The following ZNF652 variants were observed in gnomAD, a reference collection of about 807,000 sequenced individuals.
ZNF652 encodes zinc finger protein 652.
In ZNF652, 16 loss-of-function variants were observed where a neutral mutation model predicts 45.2. The observed-to-expected ratio is 0.35, with a 90% CI of 0.24 to 0.54. The LOEUF is 0.54. ZNF652 is among the 20% of genes least tolerant of loss of function. The probability of loss-of-function intolerance (pLI) is 0.91; values close to 1 mark genes in which losing one functional copy is unlikely to be tolerated. For synonymous variants in ZNF652, 250 were observed against 260.6 expected, an observed-to-expected ratio of 0.96 and a Z score of 0.39; for missense variants, 614 against 765.6, an observed-to-expected ratio of 0.80 and a Z score of 2.34.
chr17:49,353,525 A>G (rs1183606153), intron 1 of ZNF652, among the ~76,000 whole-genome samples: 1 of 151,856 alleles, frequency 6.6e-6, no homozygotes, highest in African/African-American at 2.4e-5. Flanking sequence ...CACCCGGGCT[A>G]GAGTGATGTG....
At position 49,316,995 on chromosome 17, in the gene ZNF652, GTC is replaced by G; in HGVS notation, c.729_730del (p.Glu243AspfsTer5). ...CCTGGGGCACTTCTCACAGGTCAGA[GTC>G]TCTTTCTCTTCACACTTAGCTTTCT... is the stretch of plus-strand genomic sequence containing the variant. On this transcript the variant is annotated frameshift_variant, in exon 2 of 6. Coordinates refer to ENST00000430262, the MANE Select transcript of ZNF652 (RefSeq NM_001145365.3). LOFTEE classifies it high-confidence loss of function. 6.2e-7 allele frequency: 1 copy of G among 1,614,134 alleles called. No individual in the cohort carries two copies. Among genetic ancestry groups the G allele is most frequent in the Non-Finnish European group, 8.5e-7 (1 of 1,180,030 alleles).
At chr17:49,327,761 ATATATATATATATATATATTTTTTTTT>A (rs2069976587) in intron 1 of ZNF652, among the ~76,000 whole-genome samples, 2 of 10,072 alleles carry the variant, frequency 2.0e-4, no homozygotes, top group Non-Finnish European at 2.7e-4. Flanking sequence ...ATATATATAT[ATATATATATATATATATATTTTTTTTT>A]TTTTTTTTTA....
chr17:49,330,614 G>GT (rs2070013082), intron 1 of ZNF652, among the ~76,000 whole-genome samples: 1 of 151,890 alleles, frequency 6.6e-6, no homozygotes, highest in East Asian at 1.9e-4. Flanking sequence ...CTCCCAAAGC[G>GT]TTAGGTTTAC....
At chr17:49,310,030 T>C (rs1041519906) in intron 5 of ZNF652, among the ~76,000 whole-genome samples, 2 of 152,172 alleles carry the variant, frequency 1.3e-5, no homozygotes, top group Non-Finnish European at 2.9e-5. Context: ...CTTGGCTCAC[T>C]GCAAGCTCCG....
intron 2 of ZNF652, among the ~76,000 whole-genome samples, chr17:49,314,894 C>T (rs1027255520): frequency 2.6e-5 from 4 of 152,066 alleles, no homozygotes; most frequent in African/African-American, 7.2e-5. Flanking sequence ...TGTTTTTAGA[C>T]AGTCTCACTC....
Position 49,311,847 on chromosome 17 carries a change from G to A in ZNF652, c.1164+80C>T, listed in dbSNP as rs921743540. ...AGGCAGCCTTGTGCCTCCTGCTCCA[G>A]CACACCTCTCTCTCACTGGTCCGCC... On this transcript the variant is annotated intron_variant, in intron 4 of 5. Coordinates refer to ENST00000430262, the MANE Select transcript of ZNF652 (RefSeq NM_001145365.3). 5 of 1,221,456 alleles carry A rather than the reference G, an allele frequency of 4.1e-6. No homozygotes were observed. In the Admixed American group the frequency reaches 6.0e-5, roughly 15 times the overall value. The allele number at this position is 1,221,456 out of a possible 1,614,324, so 75.7% of individuals were successfully genotyped here.
rs75904857 is a variant in ZNF652, at chr17:49,293,087, T to C, written c.*5326A>G. 2.0e-5 allele frequency among the ~76,000 whole-genome samples: 3 copies of C among 151,954 alleles called. No homozygotes were observed. Among genetic ancestry groups the C allele is most frequent in the Admixed American group, 2.0e-4 (3 of 15,260 alleles). On this transcript the variant is annotated 3_prime_UTR_variant, in exon 6 of 6. Coordinates refer to ENST00000430262, the MANE Select transcript of ZNF652 (RefSeq NM_001145365.3). ...TACTCATGTGTCTGTCATAAAGAAATAAAACAACTCCAGGAACCTGTGACC... is the reference window on the plus strand; with the variant it reads ...TACTCATGTGTCTGTCATAAAGAAACAAAACAACTCCAGGAACCTGTGACC...
At chr17:49,361,315 G>A (rs1312800598) in intron 1 of ZNF652, 1 of 152,300 alleles carries the variant, frequency 6.6e-6, no homozygotes. Context: ...TACCTTTGGT[G>A]TCTCGGATCT....
At chr17:49,302,597 A>T (rs1044879816) in intron 5 of ZNF652, among the ~76,000 whole-genome samples, 8 of 152,048 alleles carry the variant, frequency 5.3e-5, no homozygotes, top group Non-Finnish European at 1.0e-4. Context: ...CCAGAAATGT[A>T]ATTATTAACA....
At chr17:49,302,099 A>G (rs2069561225) in intron 5 of ZNF652, among the ~76,000 whole-genome samples, 1 of 151,684 alleles carries the variant, frequency 6.6e-6, no homozygotes, top group Non-Finnish European at 1.5e-5. Context: ...AAAAACATAC[A>G]AACAATTAGC....
At chr17:49,332,314 CA>C (rs2070033688) in intron 1 of ZNF652, among the ~76,000 whole-genome samples, 1 of 152,104 alleles carries the variant, frequency 6.6e-6, no homozygotes, top group Non-Finnish European at 1.5e-5. Context: ...AGTCTTAAAC[CA>C]AGAGGTATGA....
At chr17:49,348,678 C>G (rs1179573737) in intron 1 of ZNF652, among the ~76,000 whole-genome samples, 1 of 152,056 alleles carries the variant, frequency 6.6e-6, no homozygotes, top group African/African-American at 2.4e-5. Flanking sequence ...CATACACATA[C>G]TGACTGAATA....
chr17:49,311,597 A>G, intron 4 of ZNF652, 141 bp from the exon 5 acceptor site: 2 of 951,888 alleles, frequency 2.1e-6, no homozygotes, highest in Non-Finnish European at 3.0e-6. Context: ...GCTTTGCTAT[A>G]TTTCTGCAGG....
chr17:49,329,764 A>C (rs2070003375), intron 1 of ZNF652, among the ~76,000 whole-genome samples: 1 of 152,230 alleles, frequency 6.6e-6, no homozygotes, highest in South Asian at 2.1e-4. Context: ...TTCCTCAACA[A>C]TATGCAAGTG....
chr17:49,296,639 G>T lies in ZNF652; in HGVS notation c.*1774C>A, dbSNP rs186214210. 1.3e-5 allele frequency: 2 copies of T among 152,106 alleles called. No homozygotes were observed. The highest frequency in any genetic ancestry group is 2.4e-5 in the African/African-American group (1 of 41,406). 9.4% of individuals were successfully genotyped at this position (152,106 alleles called of 1,614,324 possible). On this transcript the variant is annotated 3_prime_UTR_variant, in exon 6 of 6. Transcript: ENST00000430262. The stretch of plus-strand genomic sequence containing the variant: ...CCAGCTACTTGGTTAGCTGAGGCAG[G>T]GTTGCTTGAACCCAAGAGTTGGAGG...
intron 1 of ZNF652, among the ~76,000 whole-genome samples, chr17:49,359,299 T>C (rs937936575): frequency 1.3e-5 from 2 of 152,182 alleles, no homozygotes; most frequent in African/African-American, 4.8e-5. Flanking sequence ...GTTTATGAGA[T>C]AATAAAAAAG....
At chr17:49,326,794 T>C (rs1361416632) in intron 1 of ZNF652, among the ~76,000 whole-genome samples, 3 of 152,228 alleles carry the variant, frequency 2.0e-5, no homozygotes, top group Admixed American at 2.0e-4. Context: ...GTATACTGTA[T>C]TGGGGGCAGC....
chr17:49,334,944 G>T lies in ZNF652; in HGVS notation c.-258-16961C>A, dbSNP rs74813476. 4.9e-3 allele frequency among the ~76,000 whole-genome samples: 748 copies of T among 152,110 alleles called. 4 individuals are homozygous for T. Among genetic ancestry groups the T allele is most frequent in the African/African-American group, 0.017 (705 of 41,498 alleles). ...AGCAAATAGAGACAGAAAGTAAATC[G>T]TCATTAACAGGAGCTGGGAGTAGGG... On this transcript the variant is annotated intron_variant, in intron 1 of 5. Coordinates refer to ENST00000430262, the MANE Select transcript of ZNF652 (RefSeq NM_001145365.3).
At chr17:49,311,633 C>T (rs2069713344) in intron 4 of ZNF652, among the ~76,000 whole-genome samples, 177 bp from the exon 5 acceptor site, 1 of 152,152 alleles carries the variant, frequency 6.6e-6, no homozygotes, top group African/African-American at 2.4e-5. Flanking sequence ...AGGGAAATTT[C>T]CTCACAAAAT....
Sources: allele counts gnomAD v4.1 joint callset (sites outside exome capture counted in the v4.1 genomes callset), GRCh38; gene constraint gnomAD v4.1.1; transcripts MANE v1.5; gene names NCBI Gene and HGNC (gene_info 2026-07-23, HGNC 2026-07-21).